Variants in STT3B observed in about 807,000 individuals in gnomAD.
The protein encoded by STT3B is dolichyl-diphosphooligosaccharide--protein glycosyltransferase subunit STT3B.
In STT3B, 29 loss-of-function variants were observed where a neutral mutation model predicts 96.8. The ratio of observed to expected loss-of-function variants is 0.30; its 90% CI spans 0.22 to 0.41. STT3B has a LOEUF of 0.41. Ranked by LOEUF, STT3B falls within the 10% of genes least tolerant of loss-of-function variation. The pLI is 1.00. For synonymous variants in STT3B, 367 were observed against 360.0 expected (o/e 1.02, Z -0.22); for missense variants, 640 against 1,022.3 (o/e 0.63, Z 5.10).
At chr3:31,559,859 C>T (rs1433090250) in intron 1 of STT3B, among the ~76,000 whole-genome samples, 1 of 152,006 alleles carries the variant, frequency 6.6e-6, no homozygotes, top group African/African-American at 2.4e-5. Context: ...CTTTATATAT[C>T]TGGGTGTTCC....
chr3:31,582,690 A>G (rs1698437654), intron 3 of STT3B, among the ~76,000 whole-genome samples: 1 of 151,834 alleles, frequency 6.6e-6, no homozygotes, highest in Admixed American at 6.6e-5. Flanking sequence ...ATTTATAGCT[A>G]TAAAGTTTTC....
chr3:31,581,683 A>G (rs973933988), intron 3 of STT3B, among the ~76,000 whole-genome samples: 12 of 152,176 alleles, frequency 7.9e-5, no homozygotes, highest in Non-Finnish European at 1.3e-4. Context: ...TGTCTGTCTT[A>G]GGATTAGGGT....
chr3:31,633,270 T>A, intron 15 of STT3B, 123 bp downstream of exon 15: 2 of 816,684 alleles, frequency 2.4e-6, no homozygotes, highest in Non-Finnish European at 3.8e-6. Context: ...GCTTCTATAT[T>A]AATACGAAGT....
intron 14 of STT3B, among the ~76,000 whole-genome samples, chr3:31,630,250 C>T (rs561944101): frequency 2.0e-5 from 3 of 152,294 alleles, no homozygotes; most frequent in Non-Finnish European, 2.9e-5. Flanking sequence ...ATAAATTCTC[C>T]TTTACTGGAG....
intron 3 of STT3B, among the ~76,000 whole-genome samples, chr3:31,592,014 T>C (rs910511429): frequency 2.6e-5 from 4 of 152,196 alleles, no homozygotes; most frequent in Admixed American, 1.3e-4. Flanking sequence ...GTATATACTT[T>C]ATTGGCATTA....
At chr3:31,611,856 C>G (rs1699187302) in intron 5 of STT3B, among the ~76,000 whole-genome samples, 1 of 151,978 alleles carries the variant, frequency 6.6e-6, no homozygotes, top group Non-Finnish European at 1.5e-5. Context: ...TCAGATGTAT[C>G]TAATTTCTTA....
rs116173380 is a variant in STT3B at position 31,533,718 on chromosome 3, C to T, written c.314+406C>T. On this transcript the variant is annotated intron_variant, in intron 1 of 15. Transcript: ENST00000295770. ...CCTCCGCGGACTGTCGGTCGATTCC[C>T]CGCCCTCCTCGCCCGCTGCTTTCGC... 6.1e-3 allele frequency: 949 copies of T among 156,248 alleles called. 17 individuals carry two copies. The highest frequency in any genetic ancestry group is 0.021 in the African/African-American group (881 of 41,760). 9.7% of individuals were successfully genotyped at this position (156,248 alleles called of 1,614,324 possible).
intron 1 of STT3B, among the ~76,000 whole-genome samples, chr3:31,550,570 A>G (rs996454519): frequency 6.6e-5 from 10 of 152,240 alleles, no homozygotes; most frequent in African/African-American, 2.2e-4. Flanking sequence ...AGTTATTCTC[A>G]TATATCATTA....
At chr3:31,595,676 T>C (rs1698774179) in intron 3 of STT3B, among the ~76,000 whole-genome samples, 1 of 152,202 alleles carries the variant, frequency 6.6e-6, no homozygotes, top group South Asian at 2.1e-4. Context: ...CTATGAAATA[T>C]GGTATATTGG....
At chr3:31,602,660 ATTTTTTT>A (rs11316900) in intron 5 of STT3B, among the ~76,000 whole-genome samples, 2 of 125,092 alleles carry the variant, frequency 1.6e-5, no homozygotes, top group East Asian at 2.4e-4. Context: ...GGTAGCTGGG[ATTTTTTT>A]TTTTTTTTTT....
At position 31,637,404 on chromosome 3, in the gene STT3B, G is replaced by A. The variant is rs1015765772; in HGVS notation, c.*1340G>A. 1.3e-5 allele frequency: 2 copies of A among 152,136 alleles called. No homozygotes were observed. Among genetic ancestry groups the A allele is most frequent in the Non-Finnish European group, 2.9e-5 (2 of 68,000 alleles). 9.4% of individuals were successfully genotyped at this position (152,136 alleles called of 1,614,324 possible). A position where few individuals can be genotyped will look rare whatever the true frequency, so the allele number is the denominator to read the frequency against. On this transcript the variant is annotated 3_prime_UTR_variant, in exon 16 of 16. Transcript: ENST00000295770. ...TGCTGATTTTCTTTTCCAAGGTGTA[G>A]AATATTCTTTGATTTATAGAATTCA...
In STT3B at chr3:31,572,037, TGA is replaced by T. The variant is rs1559370294; in HGVS notation, c.315-4358_315-4357del. Reference sequence around the variant, plus strand: ...AAACATATTAATATATATTAATATATGATATATTAATATATCATATATTAATA... The same window carrying T: ...AAACATATTAATATATATTAATATATTATATTAATATATCATATATTAATA... On this transcript the variant is annotated intron_variant, in intron 1 of 15. Transcript: ENST00000295770. 6.5e-3 allele frequency among the ~76,000 whole-genome samples: 261 copies of T among 40,410 alleles called. 2 individuals carry two copies. The highest frequency in any genetic ancestry group is 0.02 in the Non-Finnish European group (229 of 11,270). 26.5% of individuals were successfully genotyped at this position (40,410 alleles called of 152,430 possible). A position where few individuals can be genotyped will look rare whatever the true frequency, so the allele number is the denominator to read the frequency against.
intron 3 of STT3B, among the ~76,000 whole-genome samples, chr3:31,593,750 A>G (rs895929228): frequency 1.1e-4 from 16 of 150,588 alleles, no homozygotes; most frequent in Non-Finnish European, 2.1e-4. Flanking sequence ...GAGAATATGT[A>G]TCTCTGTTTC....
chr3:31,607,337 C>T (rs1431647254), intron 5 of STT3B, among the ~76,000 whole-genome samples: 1 of 152,052 alleles, frequency 6.6e-6, no homozygotes, highest in African/African-American at 2.4e-5. Context: ...TTGGCTGTGT[C>T]CCCACCCAAA....
rs533869716 is a variant in STT3B, at chr3:31,580,450, A to T, written c.711+354A>T. ...ATTTTAAATTGTTTCTGAAACTAGC[A>T]TTATTTATTTTGCTGCTGCCAGGCT... On this transcript the variant is annotated intron_variant, in intron 3 of 15. Transcript: ENST00000295770. 4.6e-5 allele frequency among the ~76,000 whole-genome samples: 7 copies of T among 152,224 alleles called. No individual in the cohort carries two copies. The East Asian group carries it at 1.4e-3, about 29-fold the overall frequency.
chr3:31,575,306 A>C (rs531516752), intron 1 of STT3B, among the ~76,000 whole-genome samples: 102 of 152,072 alleles, frequency 6.7e-4, no homozygotes, highest in Non-Finnish European at 1.3e-3. Context: ...CAGGTCTGAA[A>C]GTTTAATATT....
At position 31,579,865 on chromosome 3, in the gene STT3B, G is replaced by A; in HGVS notation, c.480G>A (p.Leu160=). The change falls in exon 3 of 16, where the codon TTG becomes TTA. Residue 160 remains leucine (L), a synonymous_variant. Transcript: ENST00000295770. ...AGLIHWILNT[L]NITVHIRDVC... Reference sequence around the variant, plus strand: ...TTATTCATTGGATTTTAAATACATTGAACATAACTGTTCACATAAGAGACG... The same window carrying A: ...TTATTCATTGGATTTTAAATACATTAAACATAACTGTTCACATAAGAGACG... 6.2e-7 allele frequency: 1 copy of A among 1,613,698 alleles called. No homozygotes were observed. Among genetic ancestry groups the A allele is most frequent in the Non-Finnish European group, 8.5e-7 (1 of 1,179,742 alleles).
chr3:31,583,121 T>G (rs770503294), intron 3 of STT3B, among the ~76,000 whole-genome samples: 8 of 152,190 alleles, frequency 5.3e-5, no homozygotes, highest in Non-Finnish European at 7.4e-5. Flanking sequence ...TTATTGAGAA[T>G]AGAGTATTGA....
intron 5 of STT3B, among the ~76,000 whole-genome samples, chr3:31,613,036 T>C (rs1273194550): frequency 1.3e-5 from 2 of 152,164 alleles, no homozygotes; most frequent in Non-Finnish European, 2.9e-5. Flanking sequence ...GATTTGTGGT[T>C]ACCATGGGCT....
Sources: gnomAD v4.1 joint callset for allele counts (sites outside exome capture counted in the v4.1 genomes callset) on GRCh38, gnomAD v4.1.1 for gene constraint, MANE v1.5 for transcripts, NCBI Gene and HGNC (gene_info 2026-07-23, HGNC 2026-07-21) for gene names.